FGF10: variants seen among roughly 807,000 people sequenced by gnomAD.
FGF10 encodes the protein fibroblast growth factor 10.
FGF10 carries 2 observed loss-of-function variants against 19.8 expected under a neutral mutation model. The ratio of observed to expected loss-of-function variants is 0.10; its 90% CI spans 0.04 to 0.32. The LOEUF is 0.32. Among genes scored for constraint, FGF10 ranks in the 10% least tolerant of loss-of-function variants. The probability of loss-of-function intolerance (pLI) is 1.00; values close to 1 mark genes in which losing one functional copy is unlikely to be tolerated. For synonymous variants in FGF10, 112 were observed against 94.0 expected, an observed-to-expected ratio of 1.19 and a Z score of -1.10; for missense variants, 191 against 246.3, an observed-to-expected ratio of 0.78 and a Z score of 1.50.
chr5:44,324,900 G>A (rs1242141275), intron 1 of FGF10, among the ~76,000 whole-genome samples: 3 of 152,050 alleles, frequency 2.0e-5, no homozygotes, highest in Non-Finnish European at 2.9e-5. Context: ...TTTTGCAAAT[G>A]TTTCCTCTTT....
At chr5:44,315,683 A>G (rs963135652) in intron 1 of FGF10, among the ~76,000 whole-genome samples, 6 of 152,160 alleles carry the variant, frequency 3.9e-5, no homozygotes, top group Non-Finnish European at 7.4e-5. Flanking sequence ...TAGTTAGCAC[A>G]ATGTAAGACA....
Position 44,302,110 on chromosome 5 carries a change from T to C in FGF10, c.*2885A>G, listed in dbSNP as rs1039707503. Among the ~76,000 whole-genome samples, 1 of 151,714 alleles carries C rather than the reference T, an allele frequency of 6.6e-6. No individual in the cohort carries two copies. The highest frequency in any genetic ancestry group is 1.5e-5 in the Non-Finnish European group (1 of 67,956). ...TTTTCAAATCTACAACATTCAGGGCTGAAACTGCTTTTTTTTTTCTTCAGT... is the reference window on the plus strand; with the variant it reads ...TTTTCAAATCTACAACATTCAGGGCCGAAACTGCTTTTTTTTTTCTTCAGT... On this transcript the variant is annotated 3_prime_UTR_variant, in exon 3 of 3. Coordinates refer to ENST00000264664, the MANE Select transcript of FGF10 (RefSeq NM_004465.2).
chr5:44,382,203 T>G (rs767388991), intron 1 of FGF10, among the ~76,000 whole-genome samples: 5 of 152,184 alleles, frequency 3.3e-5, no homozygotes, highest in Non-Finnish European at 5.9e-5. Flanking sequence ...CCACCTTACA[T>G]GGGAATCTAC....
intron 1 of FGF10, among the ~76,000 whole-genome samples, chr5:44,366,127 C>CTTTTTTTTTTTTCT (rs1741606361): frequency 1.3e-5 from 1 of 74,810 alleles, no homozygotes; most frequent in African/African-American, 5.1e-5. Flanking sequence ...CAATTATTTC[C>CTTTTTTTTTTTTCT]TTTTTTTTTT....
chr5:44,307,916 G>A (rs571868681), intron 2 of FGF10, among the ~76,000 whole-genome samples: 10 of 152,348 alleles, frequency 6.6e-5, no homozygotes, highest in African/African-American at 2.4e-4. Flanking sequence ...GGCTGGAAGT[G>A]GAAAGTATGT....
intron 1 of FGF10, among the ~76,000 whole-genome samples, chr5:44,363,911 T>C (rs1032083253): frequency 2.0e-5 from 3 of 151,806 alleles, no homozygotes; most frequent in Non-Finnish European, 2.9e-5. Flanking sequence ...CTGGATCACA[T>C]GGTAATGAAG....
In FGF10 at chr5:44,311,421, G is replaced by C. The variant is rs1232228233; in HGVS notation, c.326-891C>G. On this transcript the variant is annotated intron_variant, in intron 1 of 2. Transcript: ENST00000264664. ...AACTCTCAGCAGTTTGTTCAGGGTA[G>C]AGAAGTAGCATCGTGATTAGCATGT... Among the ~76,000 whole-genome samples, 3 of 152,084 alleles carry C rather than the reference G, an allele frequency of 2.0e-5. 1 individual carries two copies. The highest frequency in any genetic ancestry group is 6.6e-5 in the Admixed American group (1 of 15,242).
chr5:44,345,602 A>C (rs984068573), intron 1 of FGF10, among the ~76,000 whole-genome samples: 1 of 143,704 alleles, frequency 7.0e-6, no homozygotes, highest in East Asian at 2.0e-4. Flanking sequence ...GTTTTTCCCC[A>C]TTGTTTCACT....
chr5:44,315,413 C>G (rs1206691789), intron 1 of FGF10, among the ~76,000 whole-genome samples: 1 of 151,968 alleles, frequency 6.6e-6, no homozygotes, highest in African/African-American at 2.4e-5. Context: ...AGCTCAAGTG[C>G]TTGAGCCACA....
intron 1 of FGF10, among the ~76,000 whole-genome samples, chr5:44,366,833 G>A (rs1400401354): frequency 6.6e-6 from 1 of 151,938 alleles, no homozygotes; most frequent in Non-Finnish European, 1.5e-5. Context: ...ATATAGATGT[G>A]GGAGTTTAAT....
At chr5:44,338,943 G>C (rs1404213386) in intron 1 of FGF10, among the ~76,000 whole-genome samples, 1 of 152,124 alleles carries the variant, frequency 6.6e-6, no homozygotes, top group African/African-American at 2.4e-5. Flanking sequence ...AGGCATGTTA[G>C]GAACATCAGT....
intron 1 of FGF10, among the ~76,000 whole-genome samples, chr5:44,337,105 C>T (rs553067158): frequency 1.6e-4 from 24 of 151,634 alleles, no homozygotes; most frequent in African/African-American, 5.3e-4. Flanking sequence ...GCTTTAACAT[C>T]TAGTGGTTTC....
At position 44,365,401 on chromosome 5, in the gene FGF10, C is replaced by A. The variant is rs1579935192; in HGVS notation, c.325+22957G>T. ...AAAAAGCTCCTTTTTGTTATTGCTT[C>A]TTTCTTTATAAATCCTGATGCTGTA... On this transcript the variant is annotated intron_variant, in intron 1 of 2. Transcript: ENST00000264664. Among the ~76,000 whole-genome samples the A allele has an allele frequency of 3.4e-5, 5 of 147,288 alleles. 1 individual carries two copies.
At chr5:44,318,419 T>G (rs548311481) in intron 1 of FGF10, among the ~76,000 whole-genome samples, 1 of 152,274 alleles carries the variant, frequency 6.6e-6, no homozygotes, top group South Asian at 2.1e-4. Context: ...CTTCAAAAAT[T>G]CTGAAAAGTT....
chr5:44,323,303 G>A (rs1579904587), intron 1 of FGF10, among the ~76,000 whole-genome samples: 1 of 152,158 alleles, frequency 6.6e-6, no homozygotes, highest in South Asian at 2.1e-4. Flanking sequence ...CCAGTATTTT[G>A]TAGGAAATGT....
At chr5:44,382,759 T>C (rs773709267) in intron 1 of FGF10, among the ~76,000 whole-genome samples, 1 of 152,166 alleles carries the variant, frequency 6.6e-6, no homozygotes, top group Non-Finnish European at 1.5e-5. Flanking sequence ...GATAAAACTG[T>C]ATTAAAATTA....
chr5:44,352,231 C>T (rs1231543622), intron 1 of FGF10, among the ~76,000 whole-genome samples: 1 of 151,536 alleles, frequency 6.6e-6, no homozygotes, highest in African/African-American at 2.4e-5. Flanking sequence ...ACTTTCGATG[C>T]AATTCTTTGA....
chr5:44,309,367 T>C (rs1740158682), intron 2 of FGF10, among the ~76,000 whole-genome samples: 1 of 152,202 alleles, frequency 6.6e-6, no homozygotes, highest in Admixed American at 6.6e-5. Context: ...CCTGTCATCA[T>C]TCAAATGACA....
In FGF10 at chr5:44,302,294, C is replaced by CCTTCCTTCCTTCCTTCCTTCCTTG; in HGVS notation, c.*2700_*2701insCAAGGAAGGAAGGAAGGAAGGAAG. On this transcript the variant is annotated 3_prime_UTR_variant, in exon 3 of 3. Coordinates refer to ENST00000264664, the MANE Select transcript of FGF10 (RefSeq NM_004465.2). ...TCCTTCTTTCCTTGCTTCCTTCCTT[C>CCTTCCTTCCTTCCTTCCTTCCTTG]CTTCCTTCCTTCCTTCCTTCCTTCC... Among the ~76,000 whole-genome samples, 2 of 94,872 alleles carry CCTTCCTTCCTTCCTTCCTTCCTTG rather than the reference C, an allele frequency of 2.1e-5. No individual in the cohort carries two copies. Among genetic ancestry groups the CCTTCCTTCCTTCCTTCCTTCCTTG allele is most frequent in the East Asian group, 5.6e-4 (2 of 3,600 alleles). 62.2% of individuals were successfully genotyped at this position (94,872 alleles called of 152,430 possible).
Sources: allele counts gnomAD v4.1 joint callset (sites outside exome capture counted in the v4.1 genomes callset), GRCh38; gene constraint gnomAD v4.1.1; transcripts MANE v1.5; gene names NCBI Gene and HGNC (gene_info 2026-07-23, HGNC 2026-07-21).